IGSF21: variants seen among roughly 807,000 people sequenced by gnomAD.
The protein encoded by IGSF21 is immunoglobulin superfamily member 21.
IGSF21 carries 28 observed loss-of-function variants against 46.8 expected under a neutral mutation model. That is an observed-to-expected ratio of 0.60 (90% CI 0.44 to 0.82). The LOEUF (loss-of-function observed/expected upper bound fraction) is 0.82, where lower values mean the gene tolerates loss of function less well. Ranked by LOEUF, IGSF21 falls within the 40% of genes least tolerant of loss-of-function variation. The probability of loss-of-function intolerance (pLI) is 0.00; values close to 1 mark genes in which losing one functional copy is unlikely to be tolerated. For missense variants in IGSF21, 624 were observed against 665.5 expected (o/e 0.94, Z 0.69); for synonymous variants, 284 against 273.6 (o/e 1.04, Z -0.38).
chr1:18,175,050 G>A (rs1400892522), intron 1 of IGSF21, among the ~76,000 whole-genome samples: 1 of 152,126 alleles, frequency 6.6e-6, no homozygotes, highest in African/African-American at 2.4e-5. Flanking sequence ...CTTAGTGGGT[G>A]GCCAAGCCAG....
At chr1:18,263,104 A>G (rs2084960941) in intron 2 of IGSF21, among the ~76,000 whole-genome samples, 1 of 152,192 alleles carries the variant, frequency 6.6e-6, no homozygotes, top group Non-Finnish European at 1.5e-5. Context: ...GGTCGTGCAG[A>G]AAAGAGGAGA....
At chr1:18,330,099 G>A (rs1376156544) in intron 3 of IGSF21, among the ~76,000 whole-genome samples, 3 of 152,158 alleles carry the variant, frequency 2.0e-5, no homozygotes, top group Non-Finnish European at 4.4e-5. Context: ...CACCCCCCTC[G>A]GGTCCCTGCT....
intron 1 of IGSF21, among the ~76,000 whole-genome samples, chr1:18,170,964 G>T (rs1557569662): frequency 6.6e-6 from 1 of 152,168 alleles, no homozygotes. Flanking sequence ...CAGAGAGGAG[G>T]ACAATCTGGG....
chr1:18,154,452 T>C lies in IGSF21; in HGVS notation c.70+46254T>C, dbSNP rs182275065. Among the ~76,000 whole-genome samples, 620 of 152,210 alleles carry C rather than the reference T, an allele frequency of 4.1e-3. 3 individuals carry two copies. Among genetic ancestry groups the C allele is most frequent in the Middle Eastern group, 6.8e-3 (2 of 294 alleles). On this transcript the variant is annotated intron_variant, in intron 1 of 9. Coordinates refer to ENST00000251296, the MANE Select transcript of IGSF21 (RefSeq NM_032880.5). ...GAGATATCAGTGGGCAGCCACTCAG[T>C]CTTCTTGGCTCACGGAGGCTGGGAT...
intron 2 of IGSF21, among the ~76,000 whole-genome samples, chr1:18,257,335 G>A (rs1415723517): frequency 6.6e-6 from 1 of 152,114 alleles, no homozygotes; most frequent in Non-Finnish European, 1.5e-5. Flanking sequence ...ACCTATGGAA[G>A]GTCTTCTTAA....
chr1:18,153,021 T>C (rs570702229), intron 1 of IGSF21, among the ~76,000 whole-genome samples: 1 of 152,174 alleles, frequency 6.6e-6, no homozygotes, highest in Non-Finnish European at 1.5e-5. Flanking sequence ...AGGGTTGATG[T>C]TGATTGCTTG....
intron 3 of IGSF21, among the ~76,000 whole-genome samples, chr1:18,294,426 C>T (rs1014845706): frequency 6.6e-6 from 1 of 152,178 alleles, no homozygotes; most frequent in Non-Finnish European, 1.5e-5. Flanking sequence ...GCACAAACAA[C>T]CCCATGAATG....
chr1:18,138,766 C>T (rs1320207721), intron 1 of IGSF21, among the ~76,000 whole-genome samples: 2 of 152,206 alleles, frequency 1.3e-5, no homozygotes, highest in Non-Finnish European at 2.9e-5. Flanking sequence ...GGCATCTGCT[C>T]CCTCGCCACC....
chr1:18,307,410 G>C, intron 3 of IGSF21, among the ~76,000 whole-genome samples: 1 of 152,186 alleles, frequency 6.6e-6, no homozygotes, highest in Non-Finnish European at 1.5e-5. Flanking sequence ...TCTGCTCTAA[G>C]AACTTTACAC....
chr1:18,337,336 G>A lies in IGSF21; in HGVS notation c.424+2326G>A, dbSNP rs1452881008. On this transcript the variant is annotated intron_variant, in intron 4 of 9. Transcript: ENST00000251296. This position sits in a 1 kb window ranked among gnomAD's most constrained non-coding sequence, Gnocchi z 5.7. The stretch of plus-strand genomic sequence containing the variant: ...TGCTTCCCTCCTAGGGTGGCTGTGA[G>A]GCTTAAAGTAGATAAAGTTTGCAGA... 6.6e-6 allele frequency among the ~76,000 whole-genome samples: 1 copy of A among 152,168 alleles called. No individual in the cohort carries two copies. The highest frequency in any genetic ancestry group is 2.4e-5 in the African/African-American group (1 of 41,450).
intron 2 of IGSF21, among the ~76,000 whole-genome samples, chr1:18,240,564 C>T (rs543237925): frequency 6.6e-6 from 1 of 152,172 alleles, no homozygotes; most frequent in African/African-American, 2.4e-5. Context: ...TCCTGAGTGT[C>T]TAGCATGATG....
intron 1 of IGSF21, among the ~76,000 whole-genome samples, chr1:18,204,065 C>G (rs1419278981): frequency 6.6e-6 from 1 of 152,054 alleles, no homozygotes; most frequent in African/African-American, 2.4e-5. Context: ...TTCCATACAC[C>G]AGACAGAATG....
Position 18,183,583 on chromosome 1 carries a change from C to T in IGSF21, c.71-44315C>T, listed in dbSNP as rs114117824. On this transcript the variant is annotated intron_variant, in intron 1 of 9. Coordinates refer to ENST00000251296, the MANE Select transcript of IGSF21 (RefSeq NM_032880.5). The stretch of plus-strand genomic sequence containing the variant: ...ACATCATGAGATACGTAACAGCCAT[C>T]GCTGTGTAACAGCCAGCCCAAAACT... 1.7e-3 allele frequency among the ~76,000 whole-genome samples: 261 copies of T among 150,786 alleles called. 2 individuals carry two copies. The highest frequency in any genetic ancestry group is 6.0e-3 in the African/African-American group (247 of 41,442).
chr1:18,311,262 C>T (rs978505406), intron 3 of IGSF21, among the ~76,000 whole-genome samples: 19 of 152,212 alleles, frequency 1.2e-4, no homozygotes, highest in Non-Finnish European at 2.5e-4. Context: ...CACCATGCCT[C>T]TCCCCATCCA....
At chr1:18,346,619 C>A (rs1020287399) in intron 4 of IGSF21, among the ~76,000 whole-genome samples, 2 of 152,094 alleles carry the variant, frequency 1.3e-5, no homozygotes, top group African/African-American at 4.8e-5. Context: ...TGGAGATGGT[C>A]CTCTGAGAAG....
chr1:18,137,363 A>G (rs571320955), intron 1 of IGSF21, among the ~76,000 whole-genome samples: 72 of 152,242 alleles, frequency 4.7e-4, no homozygotes, highest in African/African-American at 1.5e-3. Flanking sequence ...ATTGCATTTC[A>G]ATAGGAGATT....
chr1:18,301,560 C>T (rs1251455383), intron 3 of IGSF21, among the ~76,000 whole-genome samples: 2 of 152,256 alleles, frequency 1.3e-5, no homozygotes, highest in Middle Eastern at 6.8e-3. Flanking sequence ...AAGCTGATCT[C>T]GAACTCCTGA....
intron 3 of IGSF21, among the ~76,000 whole-genome samples, chr1:18,292,506 G>A (rs974007927): frequency 1.3e-5 from 2 of 152,160 alleles, no homozygotes; most frequent in East Asian, 3.9e-4. Flanking sequence ...TGCTCAAGTC[G>A]GAGATGCTTG....
chr1:18,312,037 C>A (rs1569786633), intron 3 of IGSF21, among the ~76,000 whole-genome samples: 2 of 152,318 alleles, frequency 1.3e-5, no homozygotes, highest in Middle Eastern at 3.4e-3. Flanking sequence ...GCCACCCCAT[C>A]ACCAGGTTCA....
Sources: gnomAD v4.1 joint callset for allele counts (sites outside exome capture counted in the v4.1 genomes callset) on GRCh38, gnomAD v4.1.1 for gene constraint, Gnocchi (gnomAD v3.1) non-coding constraint, MANE v1.5 for transcripts, NCBI Gene and HGNC (gene_info 2026-07-23, HGNC 2026-07-21) for gene names.